The following CENPS variants were observed in gnomAD, a reference collection of about 807,000 sequenced individuals.
CENPS encodes FANCM associated histone fold protein 1.
Under a neutral mutation model 17.9 loss-of-function variants are expected in CENPS, and 16 were observed. The ratio of observed to expected loss-of-function variants is 0.90; its 90% CI spans 0.61 to 1.36. The LOEUF (loss-of-function observed/expected upper bound fraction) is 1.36, where lower values mean the gene tolerates loss of function less well. Ranked by LOEUF, CENPS falls within the 40% of genes most tolerant of loss-of-function variation. The pLI is 0.00. For missense variants in CENPS, 160 were observed against 158.6 expected, an observed-to-expected ratio of 1.01 and a Z score of -0.05; for synonymous variants, 49 against 55.8, an observed-to-expected ratio of 0.88 and a Z score of 0.54.
At chr1:10,431,169 C>A in intron 1 of CENPS, 1 of 1,462,386 alleles carries the variant, frequency 6.8e-7, no homozygotes, top group Non-Finnish European at 9.0e-7. Context: ...GCATCCCATT[C>A]GTTCCTTTCA....
intron 3 of CENPS, among the ~76,000 whole-genome samples, chr1:10,435,352 C>T (rs1003975249): frequency 6.6e-6 from 1 of 152,032 alleles, no homozygotes; most frequent in South Asian, 2.1e-4. Flanking sequence ...CACTTGGATT[C>T]GGTGCCAGCC....
At chr1:10,432,430 A>G (rs1639962538) in intron 1 of CENPS, among the ~76,000 whole-genome samples, 1 of 152,204 alleles carries the variant, frequency 6.6e-6, no homozygotes, top group African/African-American at 2.4e-5. Context: ...TAGACCAACA[A>G]ATGCTTACTG....
chr1:10,438,590 C>T (rs568290044), intron 3 of CENPS, among the ~76,000 whole-genome samples: 34 of 152,192 alleles, frequency 2.2e-4, no homozygotes, highest in South Asian at 1.2e-3. Flanking sequence ...TGTTACAAAG[C>T]GTGTTATATG....
chr1:10,441,717 C>T (rs1257106560), intron 4 of CENPS, among the ~76,000 whole-genome samples: 1 of 147,658 alleles, frequency 6.8e-6, no homozygotes, highest in Non-Finnish European at 1.5e-5. Context: ...ACTCCGCCTC[C>T]TGGGTTCATG....
intron 1 of CENPS, among the ~76,000 whole-genome samples, chr1:10,431,584 G>A (rs1452800659): frequency 2.0e-5 from 3 of 152,102 alleles, no homozygotes; most frequent in Non-Finnish European, 2.9e-5. Flanking sequence ...GGCTGGGCGC[G>A]GTGGCTCACG....
intron 4 of CENPS, among the ~76,000 whole-genome samples, chr1:10,441,313 CTTTTTTT>C (rs747986112): frequency 5.5e-5 from 6 of 109,574 alleles, no homozygotes; most frequent in African/African-American, 1.4e-4. Context: ...TGTGCCACAA[CTTTTTTT>C]TTTTTTTTTT....
chr1:10,436,977 C>G (rs1361942076), intron 3 of CENPS, among the ~76,000 whole-genome samples: 1 of 152,110 alleles, frequency 6.6e-6, no homozygotes, highest in Non-Finnish European at 1.5e-5. Context: ...CTTTGGTTAT[C>G]TTGTGGATTT....
At chr1:10,439,672 C>T (rs879756672) in intron 3 of CENPS, among the ~76,000 whole-genome samples, 9 of 151,872 alleles carry the variant, frequency 5.9e-5, no homozygotes, top group Admixed American at 3.3e-4. Flanking sequence ...ACCCGGGAGG[C>T]GGAGGTTGCA....
chr1:10,431,278 A>G (rs764912165), intron 1 of CENPS: 5 of 1,535,202 alleles, frequency 3.3e-6, no homozygotes, highest in Non-Finnish European at 4.4e-6. Context: ...GACGGACTGA[A>G]GAAACGCGGG....
chr1:10,430,952 G>A, intron 1 of CENPS: 1 of 1,251,210 alleles, frequency 8.0e-7, no homozygotes, highest in African/African-American at 1.6e-5. Flanking sequence ...GGTTCGGGCC[G>A]GAGCTCTGGA....
intron 3 of CENPS, among the ~76,000 whole-genome samples, chr1:10,435,082 T>TCCA (rs1640091337): frequency 6.6e-6 from 1 of 152,292 alleles, no homozygotes; most frequent in South Asian, 2.1e-4. Flanking sequence ...CTGCAGCGTG[T>TCCA]CCACGGTGGT....
intron 2 of CENPS, 96 bp downstream of exon 2, chr1:10,434,061 C>A: frequency 6.4e-7 from 1 of 1,565,862 alleles, no homozygotes; most frequent in Non-Finnish European, 8.7e-7. Flanking sequence ...CGAGTCTGAC[C>A]AGCAGACCAA....
At chr1:10,431,360 C>G (rs766025457) in intron 1 of CENPS, 5 of 1,535,262 alleles carry the variant, frequency 3.3e-6, no homozygotes, top group Non-Finnish European at 4.4e-6. Context: ...TGCCCCTTGT[C>G]TTTTGAGAAG....
intron 3 of CENPS, chr1:10,440,126 A>G: frequency 1.7e-6 from 1 of 586,058 alleles, no homozygotes. Flanking sequence ...CCCTAAGCGG[A>G]GGTGGAGAGA....
intron 3 of CENPS, among the ~76,000 whole-genome samples, chr1:10,437,190 C>G (rs1042341603): frequency 1.3e-5 from 2 of 151,996 alleles, no homozygotes; most frequent in African/African-American, 4.8e-5. Flanking sequence ...CAGGATCTCT[C>G]TGTTACCCAG....
chr1:10,440,159 CTT>C lies in CENPS; in HGVS notation c.210-186_210-185del, dbSNP rs897031687. 1.4e-5 allele frequency: 10 copies of C among 710,520 alleles called. No individual in the cohort carries two copies. The African/African-American group carries it at 1.5e-4, about 10-fold the overall frequency. The allele number at this position is 710,520 out of a possible 1,614,324, so 44.0% of individuals were successfully genotyped here. On this transcript the variant is annotated intron_variant, in intron 3 of 4. Coordinates refer to ENST00000309048, the MANE Select transcript of CENPS (RefSeq NM_199294.3). ...AGATGGGCCTCCGCATTCTCCATCTCTTTACTTAATTGGGGTCTTAGGAACTT... is the reference window on the plus strand; with the variant it reads ...AGATGGGCCTCCGCATTCTCCATCTCTACTTAATTGGGGTCTTAGGAACTT...
intron 3 of CENPS, among the ~76,000 whole-genome samples, chr1:10,435,714 T>TACACAC (rs1375921138): frequency 3.3e-4 from 48 of 144,218 alleles, no homozygotes; most frequent in African/African-American, 1.2e-3. Context: ...TATATATATA[T>TACACAC]ATACACACAC....
chr1:10,430,737 T>C (rs1334937491), intron 1 of CENPS, 169 bp downstream of exon 1: 4 of 1,404,450 alleles, frequency 2.8e-6, no homozygotes, highest in Non-Finnish European at 3.7e-6. Flanking sequence ...TGGGAGGCGG[T>C]TTCCGCGGCA....
In CENPS at chr1:10,430,475, C is replaced by A; in HGVS notation, c.-43C>A. On this transcript the variant is annotated 5_prime_UTR_variant, in exon 1 of 5. Coordinates refer to ENST00000309048, the MANE Select transcript of CENPS (RefSeq NM_199294.3). Reference sequence around the variant, plus strand: ...TCCGACCTGGCCGCGCACCACCGCCCCTTCTCGGCCCTCCTGCGTTTGCCC... The same window carrying A: ...TCCGACCTGGCCGCGCACCACCGCCACTTCTCGGCCCTCCTGCGTTTGCCC... The A allele has an allele frequency of 1.3e-6, 2 of 1,531,332 alleles. No individual in the cohort carries two copies. Among genetic ancestry groups the A allele is most frequent in the South Asian group, 1.2e-5 (1 of 82,424 alleles). The allele number at this position is 1,531,332 out of a possible 1,614,324, so 94.9% of individuals were successfully genotyped here.
Sources: allele counts gnomAD v4.1 joint callset (sites outside exome capture counted in the v4.1 genomes callset), GRCh38; gene constraint gnomAD v4.1.1; transcripts MANE v1.5; gene names NCBI Gene and HGNC (gene_info 2026-07-23, HGNC 2026-07-21).